The following FANCI variants were observed in gnomAD, a reference collection of about 807,000 sequenced individuals.
FANCI encodes the protein FA complementation group I.
FANCI carries 156 observed loss-of-function variants against 176.1 expected under a neutral mutation model. The ratio of observed to expected loss-of-function variants is 0.89; its 90% CI spans 0.78 to 1.01. The LOEUF (loss-of-function observed/expected upper bound fraction) is 1.01. Among genes scored for constraint, FANCI ranks in the 50% least tolerant of loss-of-function variants. The probability of loss-of-function intolerance (pLI) is 0.00; values close to 1 mark genes in which losing one functional copy is unlikely to be tolerated. For synonymous variants in FANCI, 613 were observed against 541.7 expected, an observed-to-expected ratio of 1.13 and a Z score of -1.83; for missense variants, 1,678 against 1,534.1, an observed-to-expected ratio of 1.09 and a Z score of -1.57.
chr15:89,295,047 T>A lies in FANCI; in HGVS notation c.2589T>A (p.Asp863Glu), dbSNP rs199758631. ...LKETGHVSGP[D>E]GQNPEKIFQN... Reference sequence around the variant, plus strand: ...AAACAGGGCATGTGAGTGGCCCTGATGGCCAAAACCCAGAAAAGATCTTTC... The same window carrying A: ...AAACAGGGCATGTGAGTGGCCCTGAAGGCCAAAACCCAGAAAAGATCTTTC... Residue 863 changes from aspartate to glutamate, a missense_variant, in exon 24 of 38, where the codon GAT becomes GAA. This residue lies in a region of FANCI where 1,204 missense variants were observed against 1,077.4 expected (regional missense o/e 1.12). Transcript: ENST00000310775. 1.7e-5 allele frequency: 26 copies of A among 1,552,008 alleles called. No individual in the cohort carries two copies. Among genetic ancestry groups the A allele is most frequent in the Non-Finnish European group, 2.3e-5 (26 of 1,147,114 alleles).
At chr15:89,273,117 T>C (rs1406790469) in intron 10 of FANCI, among the ~76,000 whole-genome samples, 3 of 151,884 alleles carry the variant, frequency 2.0e-5, no homozygotes, top group Non-Finnish European at 2.9e-5. Context: ...CTGGGCAACA[T>C]AGTGAGACTT....
At chr15:89,305,869 G>A (rs1373392636) in intron 31 of FANCI, 138 bp from the exon 32 acceptor site, 6 of 1,064,312 alleles carry the variant, frequency 5.6e-6, no homozygotes, top group East Asian at 2.5e-5. Context: ...ATCACAGCAC[G>A]ATTAATTCAC....
intron 14 of FANCI, among the ~76,000 whole-genome samples, chr15:89,280,124 C>T (rs2053561160): frequency 6.6e-6 from 1 of 152,194 alleles, no homozygotes; most frequent in South Asian, 2.1e-4. Flanking sequence ...CGGGTTCAAG[C>T]AATTCTCCTG....
At chr15:89,265,861 A>C (rs2052926991) in intron 9 of FANCI, among the ~76,000 whole-genome samples, 1 of 152,118 alleles carries the variant, frequency 6.6e-6, no homozygotes, top group Non-Finnish European at 1.5e-5. Flanking sequence ...TAGGATGTTC[A>C]TTCTGTGCCA....
intron 14 of FANCI, 63 bp downstream of exon 14, chr15:89,278,837 A>T: frequency 7.0e-7 from 1 of 1,430,056 alleles, no homozygotes; most frequent in Non-Finnish European, 9.8e-7. Flanking sequence ...TGTCATAATC[A>T]TTTGGTCCTG....
At chr15:89,282,439 A>G (rs2053649906) in intron 16 of FANCI, 1 of 162,816 alleles carries the variant, frequency 6.1e-6, no homozygotes, top group African/African-American at 2.4e-5. Flanking sequence ...TAAGCTAGAG[A>G]TGATCTTGCC....
intron 2 of FANCI, among the ~76,000 whole-genome samples, chr15:89,253,785 G>T (rs913310865): frequency 1.8e-4 from 12 of 66,280 alleles, no homozygotes; most frequent in African/African-American, 1.7e-3. Flanking sequence ...TAAATAACTT[G>T]TGGGGGGGGG....
chr15:89,315,160 G>C, intron 36 of FANCI, 122 bp from the exon 37 acceptor site: 1 of 758,164 alleles, frequency 1.3e-6, no homozygotes. Context: ...AGAAGGAAGT[G>C]GGTGCGTGCT....
chr15:89,314,669 T>C lies in FANCI; in HGVS notation c.3778T>C (p.Tyr1260His), dbSNP rs778073021. 6.2e-7 allele frequency: 1 copy of C among 1,614,146 alleles called. No homozygotes were observed. Among genetic ancestry groups the C allele is most frequent in the Non-Finnish European group, 8.5e-7 (1 of 1,179,974 alleles). ...TAACCTCATCTTTGCCATAGAACAG[T>C]ATGAAAAATTTCTCATCCACCTTTC... The part of the protein sequence containing the change: ...IPNLIFAIEQ[Y>H]EKFLIHLSKK... The change falls in exon 36 of 38, where the codon TAT becomes CAT. Residue 1260 changes from tyrosine to histidine, a missense_variant. Transcript: ENST00000310775.
At chr15:89,281,887 G>A in intron 16 of FANCI, 52 bp downstream of exon 16, 1 of 1,531,366 alleles carries the variant, frequency 6.5e-7, no homozygotes, top group Non-Finnish European at 9.0e-7. Context: ...TAATGTTGGA[G>A]CTAAAGTTAT....
chr15:89,312,548 G>T (rs1363794178), intron 34 of FANCI, among the ~76,000 whole-genome samples: 1 of 152,238 alleles, frequency 6.6e-6, no homozygotes, highest in Non-Finnish European at 1.5e-5. Context: ...TGGTGGGCAT[G>T]GTGGCTTAGG....
At chr15:89,307,310 A>G (rs1481887559) in intron 32 of FANCI, among the ~76,000 whole-genome samples, 166 bp from the exon 33 acceptor site, 2 of 152,114 alleles carry the variant, frequency 1.3e-5, no homozygotes, top group Non-Finnish European at 2.9e-5. Flanking sequence ...TGGGAAGCTT[A>G]GGAGCTTTGG....
At chr15:89,250,516 A>T in intron 2 of FANCI, among the ~76,000 whole-genome samples, 1 of 139,568 alleles carries the variant, frequency 7.2e-6, no homozygotes, top group South Asian at 2.6e-4. Context: ...GGACACGGGA[A>T]TGGGAACATC....
chr15:89,256,231 C>T (rs1035349434), intron 2 of FANCI, among the ~76,000 whole-genome samples: 2 of 152,172 alleles, frequency 1.3e-5, no homozygotes, highest in Non-Finnish European at 2.9e-5. Context: ...GCATCTCTTA[C>T]CTCTACCCAC....
At chr15:89,294,376 A>G (rs1596306925) in intron 23 of FANCI, among the ~76,000 whole-genome samples, 1 of 152,252 alleles carries the variant, frequency 6.6e-6, no homozygotes, top group South Asian at 2.1e-4. Context: ...CCTGAGGTCA[A>G]AAGTTCAAGA....
chr15:89,311,297 T>C (rs775603764), intron 34 of FANCI, among the ~76,000 whole-genome samples: 29 of 151,948 alleles, frequency 1.9e-4, no homozygotes, highest in Non-Finnish European at 2.8e-4. Context: ...TGCGTGCCTG[T>C]AATCCCAGCT....
chr15:89,250,273 A>G (rs2052181852), intron 2 of FANCI, among the ~76,000 whole-genome samples: 1 of 152,172 alleles, frequency 6.6e-6, no homozygotes, highest in South Asian at 2.1e-4. Flanking sequence ...TATTCACAAT[A>G]GCAAAGACTT....
At chr15:89,298,457 G>A (rs548482652) in intron 24 of FANCI, among the ~76,000 whole-genome samples, 21 of 152,280 alleles carry the variant, frequency 1.4e-4, no homozygotes, top group African/African-American at 4.8e-4. Flanking sequence ...CAGACAACAT[G>A]TCAAAAGATA....
At chr15:89,283,579 A>G (rs1212672200) in intron 17 of FANCI, among the ~76,000 whole-genome samples, 1 of 152,198 alleles carries the variant, frequency 6.6e-6, no homozygotes, top group Non-Finnish European at 1.5e-5. Flanking sequence ...TTTGAAATAA[A>G]AGAATGTAAA....
Sources: gnomAD v4.1 joint callset for allele counts (sites outside exome capture counted in the v4.1 genomes callset) on GRCh38, gnomAD v4.1.1 for gene constraint, gnomAD v4.1.1 regional missense constraint, MANE v1.5 for transcripts, NCBI Gene and HGNC (gene_info 2026-07-23, HGNC 2026-07-21) for gene names.